Variants in AASDHPPT observed in about 807,000 individuals in gnomAD.
AASDHPPT encodes L-aminoadipate-semialdehyde dehydrogenase-phosphopantetheinyl transferase.
Under a neutral mutation model 36.4 loss-of-function variants are expected in AASDHPPT, and 23 were observed. The observed-to-expected ratio is 0.63, with a 90% CI of 0.45 to 0.89. The LOEUF (loss-of-function observed/expected upper bound fraction) is 0.89. Among genes scored for constraint, AASDHPPT ranks in the 40% least tolerant of loss-of-function variants. The probability of loss-of-function intolerance (pLI) is 0.00; values close to 1 mark genes in which losing one functional copy is unlikely to be tolerated. For missense variants in AASDHPPT, 377 were observed against 378.2 expected (o/e 1.00, Z 0.03); for synonymous variants, 115 against 128.0 (o/e 0.90, Z 0.68).
chr11:106,091,487 T>G lies in AASDHPPT; in HGVS notation c.693+10T>G, dbSNP rs764565199. The G allele has an allele frequency of 1.9e-6, 3 of 1,560,334 alleles. No homozygotes were observed. The South Asian group carries it at 3.6e-5, about 19-fold the overall frequency. ...AGAATGGGCATTTGAGGTAAGAAATTTGTTAGAATTGTTAAAACTAAGAAT... is the reference window on the plus strand; with the variant it reads ...AGAATGGGCATTTGAGGTAAGAAATGTGTTAGAATTGTTAAAACTAAGAAT... On this transcript the variant is annotated intron_variant, in intron 4 of 5. Transcript: ENST00000278618.
intron 4 of AASDHPPT, 113 bp from the exon 5 acceptor site, chr11:106,094,470 G>A (rs1008765829): frequency 1.4e-5 from 10 of 717,910 alleles, no homozygotes; most frequent in African/African-American, 5.5e-5. Flanking sequence ...GTGAGTGTAC[G>A]TATATGTATA....
chr11:106,085,829 A>G (rs1354391586), intron 2 of AASDHPPT, among the ~76,000 whole-genome samples: 1 of 152,238 alleles, frequency 6.6e-6, no homozygotes, highest in Non-Finnish European at 1.5e-5. Flanking sequence ...TAGAGATGTT[A>G]AGTAAATGTT....
intron 4 of AASDHPPT, chr11:106,092,171 C>T (rs1045718918): frequency 1.3e-5 from 2 of 152,130 alleles, no homozygotes; most frequent in African/African-American, 4.8e-5. Flanking sequence ...AAACAATTTA[C>T]AGTTTAAAAA....
At chr11:106,085,921 A>G (rs371217980) in intron 2 of AASDHPPT, 4 of 152,210 alleles carry the variant, frequency 2.6e-5, no homozygotes, top group African/African-American at 4.8e-5. Flanking sequence ...TATAATTTTG[A>G]TGCTCAAAAA....
intron 2 of AASDHPPT, among the ~76,000 whole-genome samples, chr11:106,084,192 G>A (rs983781377): frequency 1.3e-5 from 2 of 151,980 alleles, no homozygotes; most frequent in East Asian, 1.9e-4. Context: ...TGAAAATGTC[G>A]GAAAAGAACA....
chr11:106,085,123 A>G (rs774569847), intron 2 of AASDHPPT, among the ~76,000 whole-genome samples: 5 of 151,508 alleles, frequency 3.3e-5, no homozygotes, highest in Non-Finnish European at 4.4e-5. Flanking sequence ...TTTTTTTTTG[A>G]GACAGTCTTG....
intron 5 of AASDHPPT, among the ~76,000 whole-genome samples, chr11:106,095,050 T>C (rs530518395): frequency 2.0e-5 from 3 of 152,154 alleles, no homozygotes; most frequent in South Asian, 2.1e-4. Flanking sequence ...CGCTTGAACC[T>C]GGGAGGTGGA....
At chr11:106,087,143 G>A (rs1255183196) in intron 2 of AASDHPPT, among the ~76,000 whole-genome samples, 1 of 152,192 alleles carries the variant, frequency 6.6e-6, no homozygotes, top group African/African-American at 2.4e-5. Flanking sequence ...TTTCAATCTA[G>A]TGCTTTTTCT....
intron 4 of AASDHPPT, 94 bp downstream of exon 4, chr11:106,091,571 A>ATTCAGTTG: frequency 7.9e-7 from 1 of 1,273,850 alleles, no homozygotes; most frequent in Non-Finnish European, 1.1e-6. Context: ...CTGAATTTGG[A>ATTCAGTTG]CGCAACTGAA....
chr11:106,096,979 G>C lies in AASDHPPT; in HGVS notation c.*72G>C. On this transcript the variant is annotated 3_prime_UTR_variant, in exon 6 of 6. Transcript: ENST00000278618. Reference sequence around the variant, plus strand: ...CGTATTCACTGAAAAATAAATGCTTGTTTAGTATCAAATTTTATTTCACGA... The same window carrying C: ...CGTATTCACTGAAAAATAAATGCTTCTTTAGTATCAAATTTTATTTCACGA... 7.3e-7 allele frequency: 1 copy of C among 1,373,232 alleles called. No homozygotes were observed. The highest frequency in any genetic ancestry group is 9.7e-7 in the Non-Finnish European group (1 of 1,034,970). 85.1% of individuals were successfully genotyped at this position (1,373,232 alleles called of 1,614,324 possible).
At chr11:106,079,716 G>A in intron 2 of AASDHPPT, 24 bp downstream of exon 2, 1 of 1,592,990 alleles carries the variant, frequency 6.3e-7, no homozygotes, top group Non-Finnish European at 8.6e-7. Context: ...TTTCTAGTAT[G>A]GCAGTTAAGT....
chr11:106,093,908 A>G (rs954609356), intron 4 of AASDHPPT: 3 of 140,544 alleles, frequency 2.1e-5, no homozygotes, highest in Admixed American at 1.6e-4. Flanking sequence ...TTACATACCA[A>G]TGTTGCAACT....
intron 2 of AASDHPPT, 28 bp downstream of exon 2, chr11:106,079,720 G>C: frequency 6.3e-7 from 1 of 1,579,766 alleles, no homozygotes; most frequent in Non-Finnish European, 8.7e-7. Context: ...TAGTATGGCA[G>C]TTAAGTGTCT....
Position 106,091,405 on chromosome 11 carries a change from G to A in AASDHPPT, c.621G>A (p.Leu207=), listed in dbSNP as rs1034771170. ...RLEFDLSPLN[L]DIGQVYKETR... ...AATTTGATCTATCTCCATTAAACTT[G>A]GATATAGGCCAAGTTTATAAAGAAA... Residue 207 remains leucine (L), a synonymous_variant, in exon 4 of 6, where the codon TTG becomes TTA. Transcript: ENST00000278618. The A allele has an allele frequency of 6.2e-7, 1 of 1,608,678 alleles. No homozygotes were observed. Among genetic ancestry groups the A allele is most frequent in the Non-Finnish European group, 8.5e-7 (1 of 1,177,828 alleles).
chr11:106,078,038 G>A, intron 1 of AASDHPPT, 145 bp downstream of exon 1: 1 of 1,126,054 alleles, frequency 8.9e-7, no homozygotes, highest in Non-Finnish European at 1.2e-6. Context: ...AGCAGCCGGC[G>A]CTGCGGAGTT....
At chr11:106,079,759 A>G in intron 2 of AASDHPPT, 67 bp downstream of exon 2, 1 of 1,363,254 alleles carries the variant, frequency 7.3e-7, no homozygotes, top group Non-Finnish European at 1.0e-6. Flanking sequence ...GCTATTGAGT[A>G]ATCTCAGGCC....
intron 2 of AASDHPPT, among the ~76,000 whole-genome samples, chr11:106,087,668 G>A (rs1387025616): frequency 6.6e-6 from 1 of 152,106 alleles, no homozygotes; most frequent in Non-Finnish European, 1.5e-5. Flanking sequence ...AGTTGCTCAA[G>A]GCATTGGATC....
intron 2 of AASDHPPT, among the ~76,000 whole-genome samples, chr11:106,089,208 GTTCAACATC>G (rs1041826297): frequency 4.6e-5 from 7 of 152,036 alleles, no homozygotes; most frequent in South Asian, 2.1e-4. Flanking sequence ...TTAAGGGGAT[GTTCAACATC>G]TTCAACATCT....
intron 2 of AASDHPPT, among the ~76,000 whole-genome samples, chr11:106,086,747 C>A (rs1565411194): frequency 6.6e-6 from 1 of 152,224 alleles, no homozygotes; most frequent in East Asian, 1.9e-4. Flanking sequence ...GGGCAAAATT[C>A]CTCTCATCTG....
Sources: allele counts gnomAD v4.1 joint callset (sites outside exome capture counted in the v4.1 genomes callset), GRCh38; gene constraint gnomAD v4.1.1; transcripts MANE v1.5; gene names NCBI Gene and HGNC (gene_info 2026-07-23, HGNC 2026-07-21).